The following C12orf50 variants were observed in gnomAD, a reference collection of about 807,000 sequenced individuals.
C12orf50 encodes zinc finger CCCH-type containing 11D.
A neutral mutation model predicts 61.6 loss-of-function variants in C12orf50; 35 were observed. The observed-to-expected ratio is 0.57, with a 90% CI of 0.43 to 0.75. The LOEUF (loss-of-function observed/expected upper bound fraction) is 0.75. Ranked by LOEUF, C12orf50 falls within the 30% of genes least tolerant of loss-of-function variation. The pLI is 0.00. For missense variants in C12orf50, 475 were observed against 488.5 expected (o/e 0.97, Z 0.26); for synonymous variants, 178 against 161.5 (o/e 1.10, Z -0.77).
chr12:88,023,051 A>C (rs941361917), intron 3 of C12orf50, among the ~76,000 whole-genome samples: 1 of 152,196 alleles, frequency 6.6e-6, no homozygotes, highest in African/African-American at 2.4e-5. Context: ...GAGCCAAGGC[A>C]ATCTTAAAGC....
At chr12:88,025,265 T>G (rs2032659146) in intron 3 of C12orf50, among the ~76,000 whole-genome samples, 1 of 152,028 alleles carries the variant, frequency 6.6e-6, no homozygotes, top group Non-Finnish European at 1.5e-5. Flanking sequence ...TAGATAGGAG[T>G]ATGGATGATT....
chr12:87,994,295 T>C (rs1351540381), intron 7 of C12orf50, among the ~76,000 whole-genome samples: 1 of 152,086 alleles, frequency 6.6e-6, no homozygotes, highest in African/African-American at 2.4e-5. Context: ...ATAGCTCTGT[T>C]ATAGTATATT....
intron 4 of C12orf50, 81 bp downstream of exon 4, chr12:87,997,953 TA>T: frequency 1.8e-6 from 2 of 1,138,316 alleles, no homozygotes; most frequent in Non-Finnish European, 2.5e-6. Context: ...TATTACATCA[TA>T]AACCTTTACA....
chr12:88,012,275 G>GT (rs959464318), intron 3 of C12orf50, among the ~76,000 whole-genome samples: 4 of 151,850 alleles, frequency 2.6e-5, no homozygotes, highest in African/African-American at 9.7e-5. Context: ...AACAAATTCA[G>GT]TTTTTTTTAA....
intron 8 of C12orf50, among the ~76,000 whole-genome samples, chr12:87,988,360 G>A (rs978117400): frequency 6.6e-6 from 1 of 152,158 alleles, no homozygotes; most frequent in African/African-American, 2.4e-5. Context: ...CTCCTTAGTA[G>A]GGCTTTCCAC....
At chr12:88,024,435 T>C (rs1419996726) in intron 3 of C12orf50, among the ~76,000 whole-genome samples, 1 of 152,152 alleles carries the variant, frequency 6.6e-6, no homozygotes, top group East Asian at 1.9e-4. Context: ...ATGCCATGGA[T>C]TACTACACGC....
intron 3 of C12orf50, among the ~76,000 whole-genome samples, chr12:88,018,891 T>A (rs907405096): frequency 3.9e-5 from 6 of 152,206 alleles, no homozygotes; most frequent in Non-Finnish European, 8.8e-5. Context: ...GTAACCCCAT[T>A]GTATGTAGGA....
chr12:87,989,195 A>C, intron 8 of C12orf50, 69 bp downstream of exon 8: 1 of 1,095,778 alleles, frequency 9.1e-7, no homozygotes, highest in Non-Finnish European at 1.3e-6. Context: ...GGTTTTTATA[A>C]CAAGCAAGCT....
At chr12:87,984,801 C>G (rs2030718777) in intron 11 of C12orf50, 1 of 152,148 alleles carries the variant, frequency 6.6e-6, no homozygotes, top group African/African-American at 2.4e-5. Context: ...CACCTTCACA[C>G]AAACCTAGAC....
At chr12:87,982,120 C>G (rs545409794) in intron 12 of C12orf50, among the ~76,000 whole-genome samples, 1 of 152,184 alleles carries the variant, frequency 6.6e-6, no homozygotes, top group South Asian at 2.1e-4. Context: ...CCAAATATCA[C>G]TTCACCCATA....
intron 3 of C12orf50, among the ~76,000 whole-genome samples, chr12:88,001,125 T>C (rs1222628824): frequency 3.3e-5 from 5 of 151,854 alleles, no homozygotes; most frequent in Admixed American, 3.3e-4. Context: ...TGCTATCAGC[T>C]GTGGATTTTT....
intron 7 of C12orf50, 35 bp downstream of exon 7, chr12:87,994,598 T>C (rs374259152): frequency 5.0e-5 from 67 of 1,347,430 alleles, no homozygotes; most frequent in Non-Finnish European, 6.7e-5. Flanking sequence ...TATGTGGTGA[T>C]ATATTCAGGG....
At chr12:87,980,419 C>G in intron 12 of C12orf50, 63 bp from the exon 13 acceptor site, 1 of 1,366,268 alleles carries the variant, frequency 7.3e-7, no homozygotes, top group Non-Finnish European at 1.0e-6. Flanking sequence ...ATATTTTGTT[C>G]TTCTTTTGCT....
chr12:88,018,728 G>A (rs1003208356), intron 3 of C12orf50, among the ~76,000 whole-genome samples: 12 of 152,312 alleles, frequency 7.9e-5, no homozygotes, highest in South Asian at 2.1e-4. Context: ...TTTTGCCTCA[G>A]TGGGACCTGG....
At chr12:87,998,604 A>G (rs1352412183) in intron 3 of C12orf50, among the ~76,000 whole-genome samples, 2 of 152,184 alleles carry the variant, frequency 1.3e-5, no homozygotes, top group Non-Finnish European at 2.9e-5. Context: ...ATATTTTCCG[A>G]ATTAATCTAT....
intron 3 of C12orf50, among the ~76,000 whole-genome samples, chr12:88,018,525 A>G (rs1163263645): frequency 5.9e-5 from 9 of 152,246 alleles, no homozygotes; most frequent in African/African-American, 2.2e-4. Context: ...CTACTGGAGC[A>G]CTGCTTAGTG....
At chr12:88,022,627 G>A (rs1305670719) in intron 3 of C12orf50, among the ~76,000 whole-genome samples, 3 of 152,106 alleles carry the variant, frequency 2.0e-5, no homozygotes, top group Admixed American at 1.3e-4. Flanking sequence ...GCCCAAAAGT[G>A]CTTTGATCTG....
chr12:88,008,034 G>A (rs920286246), intron 3 of C12orf50, among the ~76,000 whole-genome samples: 1 of 151,874 alleles, frequency 6.6e-6, no homozygotes, highest in African/African-American at 2.4e-5. Context: ...GTAAAGATAT[G>A]TGAAGAAAGT....
chr12:88,010,383 TAAA>T lies in C12orf50; in HGVS notation c.134-12196_134-12194del, dbSNP rs1474058193. ...GTATTTTTTAAATAGATTATAAGAT[TAAA>T]ATTATTATAATCTTATAATAAGATT... On this transcript the variant is annotated intron_variant, in intron 3 of 12. Coordinates refer to ENST00000298699, the MANE Select transcript of C12orf50 (RefSeq NM_152589.3). Among the ~76,000 whole-genome samples the T allele has an allele frequency of 6.2e-3, 739 of 119,372 alleles. 12 individuals carry two copies. Among genetic ancestry groups the T allele is most frequent in the African/African-American group, 0.039 (690 of 17,904 alleles). 78.3% of individuals were successfully genotyped at this position (119,372 alleles called of 152,430 possible).
Sources: gnomAD v4.1 joint callset for allele counts (sites outside exome capture counted in the v4.1 genomes callset) on GRCh38, gnomAD v4.1.1 for gene constraint, MANE v1.5 for transcripts, NCBI Gene and HGNC (gene_info 2026-07-23, HGNC 2026-07-21) for gene names.